The following NEMP2 variants were observed in gnomAD, a reference collection of about 807,000 sequenced individuals.
NEMP2 encodes UPF0571 transmembrane protein.
In NEMP2, 53 loss-of-function variants were observed where a neutral mutation model predicts 54.2. The observed-to-expected ratio is 0.98, with a 90% confidence interval of 0.78 to 1.23. NEMP2 has a LOEUF of 1.23. Among genes scored for constraint, NEMP2 ranks in the 50% most tolerant of loss-of-function variants. The probability of loss-of-function intolerance (pLI) is 0.00; values close to 1 mark genes in which losing one functional copy is unlikely to be tolerated. For synonymous variants in NEMP2, 197 were observed against 190.3 expected, an observed-to-expected ratio of 1.04 and a Z score of -0.29; for missense variants, 455 against 511.3, an observed-to-expected ratio of 0.89 and a Z score of 1.06.
the NEMP2 span, among the ~76,000 whole-genome samples, chr2:190,456,211 G>C: frequency 6.6e-6 from 1 of 152,090 alleles, no homozygotes; most frequent in Admixed American, 6.5e-5. This position sits in a 1 kb window ranked among gnomAD's most constrained non-coding sequence, Gnocchi z 5.4. Flanking sequence ...AAAGTGCTAG[G>C]ATTACAGGTG....
the NEMP2 span, among the ~76,000 whole-genome samples, chr2:190,485,535 G>T: frequency 1.3e-5 from 2 of 151,684 alleles, no homozygotes; most frequent in Non-Finnish European, 2.9e-5. This position sits in a 1 kb window ranked among gnomAD's most constrained non-coding sequence, Gnocchi z 5.1. Context: ...CCCCAGTGTG[G>T]TTAATGAAAA....
the NEMP2 span, among the ~76,000 whole-genome samples, chr2:190,468,347 T>G: frequency 3.3e-5 from 5 of 152,352 alleles, no homozygotes; most frequent in South Asian, 1.0e-3. Context: ...TGTCTTTTCT[T>G]CATCTTTCTT....
chr2:190,599,510 G>A, the NEMP2 span, among the ~76,000 whole-genome samples: 1 of 152,114 alleles, frequency 6.6e-6, no homozygotes, highest in Non-Finnish European at 1.5e-5. Flanking sequence ...CTACTGATTA[G>A]TAATATATTA....
chr2:190,481,280 AC>A, the NEMP2 span, among the ~76,000 whole-genome samples: 2 of 152,214 alleles, frequency 1.3e-5, no homozygotes, highest in Admixed American at 6.5e-5. Flanking sequence ...TCAGTTATAG[AC>A]TTTTTTTAAG....
At chr2:190,440,860 C>A in the NEMP2 span, among the ~76,000 whole-genome samples, 2 of 152,212 alleles carry the variant, frequency 1.3e-5, no homozygotes, top group East Asian at 3.9e-4. Context: ...AAGAAAATAC[C>A]TGATGCAGCT....
chr2:190,525,126 C>A lies in NEMP2; in HGVS notation c.213+137G>T. The stretch of plus-strand genomic sequence containing the variant: ...ACCCATTGAACCACTGTGTGTGATC[C>A]TCAAGTCAGCTTTCATAGTGATACA... On this transcript the variant is annotated intron_variant, in intron 2 of 8. Coordinates refer to ENST00000409150, the MANE Select transcript of NEMP2 (RefSeq NM_001142645.2). The surrounding 1 kb of genome is among the most constrained non-coding windows in gnomAD (Gnocchi z 5.0). 1 of 551,690 alleles carries A rather than the reference C, an allele frequency of 1.8e-6. No individual in the cohort carries two copies. The highest frequency in any genetic ancestry group is 3.2e-6 in the Non-Finnish European group (1 of 309,682). The allele number at this position is 551,690 out of a possible 1,614,324, so 34.2% of individuals were successfully genotyped here.
At chr2:190,469,860 G>A in the NEMP2 span, 3 of 1,575,968 alleles carry the variant, frequency 1.9e-6, no homozygotes, top group African/African-American at 2.7e-5. This position sits in a 1 kb window ranked among gnomAD's most constrained non-coding sequence, Gnocchi z 5.3. Flanking sequence ...TTCAAGGTAA[G>A]TTAACAGCTG....
Position 190,529,088 on chromosome 2 carries a change from A to C in NEMP2, c.98-3710T>G, listed in dbSNP as rs1691048876. 6.6e-6 allele frequency among the ~76,000 whole-genome samples: 1 copy of C among 152,092 alleles called. No individual in the cohort carries two copies. Among genetic ancestry groups the C allele is most frequent in the Non-Finnish European group, 1.5e-5 (1 of 68,018 alleles). ...CCGGGTACAATGGCTCATGCCTGTAATTTCGCTTGAACCTGGGAGGCGAGG... is the reference window on the plus strand; with the variant it reads ...CCGGGTACAATGGCTCATGCCTGTACTTTCGCTTGAACCTGGGAGGCGAGG... On this transcript the variant is annotated intron_variant, in intron 1 of 8. Transcript: ENST00000409150. This position sits in a 1 kb window ranked among gnomAD's most constrained non-coding sequence, Gnocchi z 4.7.
At chr2:190,499,766 T>C, downstream of NEMP2, 1 of 1,433,704 alleles carries the variant, frequency 7.0e-7, no homozygotes, top group South Asian at 1.2e-5. The surrounding 1 kb of genome is among the most constrained non-coding windows in gnomAD (Gnocchi z 6.0). Flanking sequence ...ATTTTGGTAG[T>C]AATGTTCCTT....
chr2:190,562,270 A>G, the NEMP2 span, among the ~76,000 whole-genome samples: 1 of 152,178 alleles, frequency 6.6e-6, no homozygotes, highest in African/African-American at 2.4e-5. This position sits in a 1 kb window ranked among gnomAD's most constrained non-coding sequence, Gnocchi z 5.0. Flanking sequence ...CCAGCCAGGA[A>G]GCTCACACTG....
At chr2:190,590,839 A>G in the NEMP2 span, among the ~76,000 whole-genome samples, 1 of 152,210 alleles carries the variant, frequency 6.6e-6, no homozygotes, top group Non-Finnish European at 1.5e-5. The surrounding 1 kb of genome is among the most constrained non-coding windows in gnomAD (Gnocchi z 5.1). Flanking sequence ...TTCTTCTACC[A>G]GAATTCATAA....
At chr2:190,543,703 T>G in the NEMP2 span, among the ~76,000 whole-genome samples, 1 of 152,246 alleles carries the variant, frequency 6.6e-6, no homozygotes, top group South Asian at 2.1e-4. This position sits in a 1 kb window ranked among gnomAD's most constrained non-coding sequence, Gnocchi z 4.7. Flanking sequence ...TATTTGTTTT[T>G]GGGTTTCTGT....
At chr2:190,538,372 C>G (rs1340126906), upstream of NEMP2, among the ~76,000 whole-genome samples, 94 of 152,232 alleles carry the variant, frequency 6.2e-4, no homozygotes, top group Non-Finnish European at 8.8e-5. This position sits in a 1 kb window ranked among gnomAD's most constrained non-coding sequence, Gnocchi z 4.1. Flanking sequence ...CCATTCATCT[C>G]ATTGATGGAC....
At chr2:190,434,707 C>A in the NEMP2 span, among the ~76,000 whole-genome samples, 6 of 152,162 alleles carry the variant, frequency 3.9e-5, no homozygotes, top group Admixed American at 2.6e-4. The surrounding 1 kb of genome is among the most constrained non-coding windows in gnomAD (Gnocchi z 4.3). Flanking sequence ...GCTGGGATTA[C>A]AGGTGTGAGC....
intron 3 of NEMP2, 48 bp from the exon 4 acceptor site, chr2:190,518,856 T>C: frequency 6.6e-7 from 1 of 1,520,466 alleles, no homozygotes; most frequent in Non-Finnish European, 8.8e-7. Flanking sequence ...TTTTTATCAA[T>C]GTAATGTTGG....
At chr2:190,568,470 A>G in the NEMP2 span, among the ~76,000 whole-genome samples, 1 of 152,148 alleles carries the variant, frequency 6.6e-6, no homozygotes, top group African/African-American at 2.4e-5. The surrounding 1 kb of genome is among the most constrained non-coding windows in gnomAD (Gnocchi z 4.7). Context: ...TGTCAATATA[A>G]TCTTATATAT....
In NEMP2 at chr2:190,510,139, T is replaced by C. The variant is rs886940742; in HGVS notation, c.1130+222A>G. ...CCTTCGCATAGGGAAGTTATCTTTA[T>C]AGCCTTCCCTATAAAACATCAGATA... On this transcript the variant is annotated intron_variant, in intron 8 of 8. Coordinates refer to ENST00000409150, the MANE Select transcript of NEMP2 (RefSeq NM_001142645.2). This position sits in a 1 kb window ranked among gnomAD's most constrained non-coding sequence, Gnocchi z 5.7. 6.6e-6 allele frequency among the ~76,000 whole-genome samples: 1 copy of C among 152,224 alleles called. No individual in the cohort carries two copies. The highest frequency in any genetic ancestry group is 2.4e-5 in the African/African-American group (1 of 41,452).
At chr2:190,430,108 G>A in the NEMP2 span, among the ~76,000 whole-genome samples, 1 of 148,914 alleles carries the variant, frequency 6.7e-6, no homozygotes, top group Non-Finnish European at 1.5e-5. Flanking sequence ...TTGGTTTTCT[G>A]TCCTTGTGTC....
At position 190,534,562 on chromosome 2, in the gene NEMP2, A is replaced by ATAACGC. The variant is rs1170733973; in HGVS notation, c.88_93dup (p.Ala30_Leu31dup). 1.4e-6 allele frequency: 2 copies of ATAACGC among 1,402,300 alleles called. No individual in the cohort carries two copies. Among genetic ancestry groups the ATAACGC allele is most frequent in the South Asian group, 1.5e-5 (1 of 65,638 alleles). The allele number at this position is 1,402,300 out of a possible 1,614,324, so 86.9% of individuals were successfully genotyped here. On this transcript the variant is annotated inframe_insertion, in exon 1 of 9. Transcript: ENST00000409150. ...GCCGCCGCCGGTCCCGGGTTACCTG[A>ATAACGC]TAACGCTGCCGCCGCCGCCTCCCCG...
Sources: gnomAD v4.1 joint callset for allele counts (sites outside exome capture counted in the v4.1 genomes callset) on GRCh38, gnomAD v4.1.1 for gene constraint, Gnocchi (gnomAD v3.1) non-coding constraint, MANE v1.5 for transcripts, NCBI Gene and HGNC (gene_info 2026-07-23, HGNC 2026-07-21) for gene names.